Variants in ALDH16A1 observed in about 807,000 individuals in gnomAD.
ALDH16A1 encodes the protein aldehyde dehydrogenase 16 family member A1, also known as aldehyde dehydrogenase family 16 member A1.
Under a neutral mutation model 96.1 loss-of-function variants are expected in ALDH16A1, and 88 were observed. That is an observed-to-expected ratio of 0.92 (90% CI 0.77 to 1.09). The LOEUF (loss-of-function observed/expected upper bound fraction) is 1.09. ALDH16A1 is among the 50% of genes least tolerant of loss of function. ALDH16A1 has a pLI of 0.00. For synonymous variants in ALDH16A1, 522 were observed against 496.4 expected (o/e 1.05, Z -0.69); for missense variants, 1,250 against 1,112.6 (o/e 1.12, Z -1.76).
In ALDH16A1 at chr19:49,460,644, C is replaced by A. The variant is rs186299079; in HGVS notation, c.500-178C>A. The stretch of plus-strand genomic sequence containing the variant: ...GGTCAGGCTGGTCTCGAACTTCCCA[C>A]CTCAGGTGATCCGCCCACCTCGACC... On this transcript the variant is annotated intron_variant, in intron 4 of 16. Transcript: ENST00000293350. Among the ~76,000 whole-genome samples the A allele has an allele frequency of 7.2e-4, 110 of 151,766 alleles. 2 individuals carry two copies. Among genetic ancestry groups the A allele is most frequent in the African/African-American group, 2.6e-3 (108 of 41,390 alleles).
chr19:49,453,471 C>T (rs2079084705), intron 1 of ALDH16A1, 50 bp downstream of exon 1: 1 of 1,470,174 alleles, frequency 6.8e-7, no homozygotes, highest in Non-Finnish European at 9.1e-7. Flanking sequence ...CAGGCCTGGG[C>T]GCCCGGTTTT....
At chr19:49,466,589 A>G (rs2079201195) in intron 14 of ALDH16A1, among the ~76,000 whole-genome samples, 1 of 152,218 alleles carries the variant, frequency 6.6e-6, no homozygotes, top group South Asian at 2.1e-4. Flanking sequence ...CTGGGGGCGC[A>G]GTGGCTCACG....
At position 49,462,680 on chromosome 19, in the gene ALDH16A1, C is replaced by A; in HGVS notation, c.1023C>A (p.Asp341Glu). Residue 341 changes from aspartate (D) to glutamate (E), a missense_variant, in exon 8 of 17, where the codon GAC becomes GAA. Physicochemically the swap from Asp to Glu is conservative, Grantham distance 45 (BLOSUM62 2). Coordinates refer to ENST00000293350, the MANE Select transcript of ALDH16A1 (RefSeq NM_153329.4). Reference sequence around the variant, plus strand: ...GCCGAGGGCTGGATGGGGCCGTGGACATGGGGGCCCGGGGGGCTGCCGCAT... The same window carrying A: ...GCCGAGGGCTGGATGGGGCCGTGGAAATGGGGGCCCGGGGGGCTGCCGCAT... ...RSGRGLDGAVDMGARGAAACD... is the reference protein window; with the variant it reads ...RSGRGLDGAVEMGARGAAACD... The A allele has an allele frequency of 6.2e-7, 1 of 1,609,100 alleles. No homozygotes were observed. The highest frequency in any genetic ancestry group is 8.5e-7 in the Non-Finnish European group (1 of 1,178,882).
In ALDH16A1 at chr19:49,461,837, G is replaced by C. The variant is rs773327787; in HGVS notation, c.759+37G>C. The C allele has an allele frequency of 8.7e-5, 139 of 1,601,674 alleles. 1 individual carries two copies. The Middle Eastern group carries it at 5.0e-3, about 58-fold the overall frequency. Reference sequence around the variant, plus strand: ...ACAGGGGTCGTGGCGGAACGCGGCTGGGGGCCGCAAGGCTCCTCCTGCGGC... The same window carrying C: ...ACAGGGGTCGTGGCGGAACGCGGCTCGGGGCCGCAAGGCTCCTCCTGCGGC... On this transcript the variant is annotated intron_variant, in intron 6 of 16. Coordinates refer to ENST00000293350, the MANE Select transcript of ALDH16A1 (RefSeq NM_153329.4).
rs773738731 is a variant in ALDH16A1, at chr19:49,463,884, C to T, written c.1129C>T (p.Arg377Cys). ...CCAGGCTGGTGATGTGCCTTCGGAA[C>T]GCCCATTCTATCCCCCAACCTTGGT... The part of the protein sequence containing the change: ...VFQAGDVPSE[R>C]PFYPPTLVSN... The change falls in exon 9 of 17, where the codon CGC (arginine) becomes TGC (cysteine). Residue 377 changes from arginine (R) to cysteine (C), a missense_variant. By Grantham distance (180) the Arg-to-Cys change is radical (BLOSUM62 -3). Transcript: ENST00000293350. 2.0e-5 allele frequency: 33 copies of T among 1,613,326 alleles called. No homozygotes were observed. Among genetic ancestry groups the T allele is most frequent in the South Asian group, 4.4e-5 (4 of 91,076 alleles).
In ALDH16A1 at chr19:49,468,254, C is replaced by T. The variant is rs2079215550; in HGVS notation, c.1939-127C>T. 4.2e-6 allele frequency: 4 copies of T among 941,792 alleles called. No homozygotes were observed. The highest frequency in any genetic ancestry group is 6.2e-6 in the Non-Finnish European group (4 of 641,254). The allele number at this position is 941,792 out of a possible 1,614,324, so 58.3% of individuals were successfully genotyped here. A position where few individuals can be genotyped will look rare whatever the true frequency, so the allele number is the denominator to read the frequency against. On this transcript the variant is annotated intron_variant, in intron 14 of 16. Transcript: ENST00000293350. This position sits in a 1 kb window ranked among gnomAD's most constrained non-coding sequence, Gnocchi z 4.4. ...ACTTTGACCAGCGTCTGCGAAATGG[C>T]AGGGGCTTCCACAATGGTGCGGTTT... is the stretch of plus-strand genomic sequence containing the variant.
chr19:49,465,586 A>T, intron 12 of ALDH16A1, 152 bp from the exon 13 acceptor site: 1 of 895,610 alleles, frequency 1.1e-6, no homozygotes, highest in South Asian at 1.9e-5. Context: ...TGGGAGCAGG[A>T]GTTTTAGGGT....
Position 49,469,006 on chromosome 19 carries a change from G to A in ALDH16A1, c.2247+20G>A. On this transcript the variant is annotated intron_variant, in intron 16 of 16. Coordinates refer to ENST00000293350, the MANE Select transcript of ALDH16A1 (RefSeq NM_153329.4). ...GCCCAGGTGCTCTTTGTTCTGTTTT[G>A]CCATCTTCAGCATCTCAAACTTCAA... 1 of 1,591,584 alleles carries A rather than the reference G, an allele frequency of 6.3e-7. No homozygotes were observed. The highest frequency in any genetic ancestry group is 1.1e-5 in the South Asian group (1 of 90,136).
At position 49,463,840 on chromosome 19, in the gene ALDH16A1, AT is replaced by A; in HGVS notation, c.1099-11del. ...GGGACCAGAAGTCGACTTCTAGATC[AT>A]TTCTCTCCCTAGGTGTTCCAGGCTG... On this transcript the variant is annotated splice_polypyrimidine_tract_variant and intron_variant, in intron 8 of 16. Coordinates refer to ENST00000293350, the MANE Select transcript of ALDH16A1 (RefSeq NM_153329.4). 4.3e-6 allele frequency: 7 copies of A among 1,609,816 alleles called. No homozygotes were observed. Among genetic ancestry groups the A allele is most frequent in the Non-Finnish European group, 5.9e-6 (7 of 1,177,546 alleles).
At chr19:49,466,060 A>G in intron 13 of ALDH16A1, 22 bp from the exon 14 acceptor site, 3 of 1,539,882 alleles carry the variant, frequency 1.9e-6, no homozygotes, top group South Asian at 1.2e-5. Flanking sequence ...GCCAACCCCC[A>G]CTGTGCGCTG....
At chr19:49,457,272 G>A (rs1450760329) in intron 1 of ALDH16A1, among the ~76,000 whole-genome samples, 2 of 151,928 alleles carry the variant, frequency 1.3e-5, no homozygotes, top group Admixed American at 6.6e-5. Flanking sequence ...AGAAGTCCGG[G>A]CGCAGTGGCT....
At position 49,470,414 on chromosome 19, in the gene ALDH16A1, C is replaced by T; in HGVS notation, c.2356C>T (p.Leu786=). The change falls in exon 17 of 17, where the codon CTG becomes TTG. Residue 786 remains leucine, a synonymous_variant. Coordinates refer to ENST00000293350, the MANE Select transcript of ALDH16A1 (RefSeq NM_153329.4). ...GGAGGCCGAGGGGGCAGGCCCAGAGCTGGGGCTGCGAGTGGCGCGGACCAA... is the reference window on the plus strand; with the variant it reads ...GGAGGCCGAGGGGGCAGGCCCAGAGTTGGGGCTGCGAGTGGCGCGGACCAA... ...DQEAEGAGPE[L]GLRVARTKAL... 1 of 1,608,446 alleles carries T rather than the reference C, an allele frequency of 6.2e-7. No homozygotes were observed. Among genetic ancestry groups the T allele is most frequent in the Non-Finnish European group, 8.5e-7 (1 of 1,178,078 alleles).
chr19:49,453,811 C>T (rs921799524), intron 1 of ALDH16A1, among the ~76,000 whole-genome samples: 1 of 152,062 alleles, frequency 6.6e-6, no homozygotes, highest in South Asian at 2.1e-4. Flanking sequence ...TTCCACGACT[C>T]TTCAAAACAT....
chr19:49,458,324 G>A (rs2079117163), intron 1 of ALDH16A1, among the ~76,000 whole-genome samples, 162 bp from the exon 2 acceptor site: 1 of 152,150 alleles, frequency 6.6e-6, no homozygotes, highest in South Asian at 2.1e-4. Context: ...ACTTTGAAAT[G>A]CTCTATTTTA....
chr19:49,462,046 G>T lies in ALDH16A1; in HGVS notation c.912+10G>T. 3 of 1,536,972 alleles carry T rather than the reference G, an allele frequency of 2.0e-6. No homozygotes were observed. Among genetic ancestry groups the T allele is most frequent in the East Asian group, 2.4e-5 (1 of 40,928 alleles). On this transcript the variant is annotated intron_variant, in intron 7 of 16. Coordinates refer to ENST00000293350, the MANE Select transcript of ALDH16A1 (RefSeq NM_153329.4). ...GTCCGACCGCGGCCCGGTGAGACCC[G>T]TGCGCTCCCGTCTCCTCATACCCTG...
At position 49,460,763 on chromosome 19, in the gene ALDH16A1, C is replaced by G. The variant is rs1005632856; in HGVS notation, c.500-59C>G. ...AGCCATGGGGTCTTGCCATGTGGCC[C>G]AGGCTGGACTTAAACACCTAGCCTC... On this transcript the variant is annotated intron_variant, in intron 4 of 16. Transcript: ENST00000293350. 36 of 1,475,730 alleles carry G rather than the reference C, an allele frequency of 2.4e-5. No individual in the cohort carries two copies. The African/African-American group carries it at 4.4e-4, about 18-fold the overall frequency. 91.4% of individuals were successfully genotyped at this position (1,475,730 alleles called of 1,614,324 possible). A position where few individuals can be genotyped will look rare whatever the true frequency, so the allele number is the denominator to read the frequency against.
In ALDH16A1 at chr19:49,468,420, C is replaced by A. The variant is rs367576690; in HGVS notation, c.1978C>A (p.Pro660Thr). Residue 660 changes from proline (P) to threonine (T), a missense_variant, in exon 15 of 17, where the codon CCG becomes ACG. Physicochemically the swap from Pro to Thr is conservative, Grantham distance 38 (BLOSUM62 -1). Coordinates refer to ENST00000293350, the MANE Select transcript of ALDH16A1 (RefSeq NM_153329.4). This position sits in a 1 kb window ranked among gnomAD's most constrained non-coding sequence, Gnocchi z 4.4. The stretch of plus-strand genomic sequence containing the variant: ...AGGCCCTGTGCTGCGCCTGCGGGAG[C>A]CGCTGGGTGTGCTGGCTGTGGTGTG... ...LRGPVLRLREPLGVLAVVCPD... is the reference protein window; with the variant it reads ...LRGPVLRLRETLGVLAVVCPD... 1 of 1,600,536 alleles carries A rather than the reference C, an allele frequency of 6.2e-7. No homozygotes were observed. The highest frequency in any genetic ancestry group is 1.3e-5 in the African/African-American group (1 of 74,868).
At chr19:49,454,024 T>TTTTATTG (rs1568645978) in intron 1 of ALDH16A1, among the ~76,000 whole-genome samples, 1 of 114,048 alleles carries the variant, frequency 8.8e-6, no homozygotes, top group Non-Finnish European at 1.9e-5. Context: ...GGTTGGGTTT[T>TTTTATTG]TTTTTTGTTT....
At position 49,461,969 on chromosome 19, in the gene ALDH16A1, C is replaced by A; in HGVS notation, c.845C>A (p.Thr282Lys). 2 of 1,554,938 alleles carry A rather than the reference C, an allele frequency of 1.3e-6. No homozygotes were observed. The highest frequency in any genetic ancestry group is 1.7e-4 in the Middle Eastern group (1 of 5,966). ...ALGTESLLLL[T>K]DTADVDSAVE... Reference sequence around the variant, plus strand: ...GGGACGGAGTCGCTGCTGCTGCTGACGGACACGGCGGACGTAGACTCGGCC... The same window carrying A: ...GGGACGGAGTCGCTGCTGCTGCTGAAGGACACGGCGGACGTAGACTCGGCC... The change falls in exon 7 of 17, where the codon ACG becomes AAG. Residue 282 changes from threonine to lysine, a missense_variant. Transcript: ENST00000293350.
Sources: allele counts gnomAD v4.1 joint callset (sites outside exome capture counted in the v4.1 genomes callset), GRCh38; gene constraint gnomAD v4.1.1; non-coding constraint Gnocchi (gnomAD v3.1); transcripts MANE v1.5; gene names NCBI Gene and HGNC (gene_info 2026-07-23, HGNC 2026-07-21).